Variants in LOC400499 observed in about 807,000 individuals in gnomAD.
At chr16:11,488,174 T>G in the LOC400499 span, among the ~76,000 whole-genome samples, 1 of 152,116 alleles carries the variant, frequency 6.6e-6, no homozygotes. Flanking sequence ...GTACTCCTTT[T>G]TAGGACTACC....
chr16:11,386,316 G>A, the LOC400499 span, among the ~76,000 whole-genome samples: 15 of 152,244 alleles, frequency 9.9e-5, no homozygotes, highest in East Asian at 9.6e-4. Flanking sequence ...GGCACCTGTC[G>A]GCCAGTCCCA....
chr16:11,380,754 C>T, the LOC400499 span: 3 of 152,144 alleles, frequency 2.0e-5, 1 homozygote, highest in East Asian at 3.8e-4. Flanking sequence ...GATACCATTC[C>T]ATTGTGACAC....
At chr16:11,503,155 T>C in the LOC400499 span, among the ~76,000 whole-genome samples, 1 of 152,058 alleles carries the variant, frequency 6.6e-6, no homozygotes, top group South Asian at 2.1e-4. Context: ...GCTCAAGTGA[T>C]CCTCCCACCT....
At chr16:11,450,053 A>C in the LOC400499 span, among the ~76,000 whole-genome samples, 1 of 152,104 alleles carries the variant, frequency 6.6e-6, no homozygotes, top group Non-Finnish European at 1.5e-5. Context: ...ACCTGGTGCC[A>C]CCCAGCCCTG....
the LOC400499 span, among the ~76,000 whole-genome samples, chr16:11,525,940 A>C: frequency 6.6e-6 from 1 of 152,254 alleles, no homozygotes; most frequent in Non-Finnish European, 1.5e-5. Context: ...CACTTCCAGG[A>C]AGAGATCTGA....
At chr16:11,423,472 C>T in the LOC400499 span, among the ~76,000 whole-genome samples, 19 of 152,334 alleles carry the variant, frequency 1.2e-4, 1 homozygote, top group African/African-American at 3.4e-4. Flanking sequence ...AGGGCCTCCA[C>T]GCCAGGCACG....
the LOC400499 span, chr16:11,390,398 G>A: frequency 9.8e-5 from 122 of 1,246,572 alleles, no homozygotes; most frequent in African/African-American, 1.8e-3. Context: ...GCTCGCTCCC[G>A]CCACACCTCC....
chr16:11,466,105 T>C, the LOC400499 span, among the ~76,000 whole-genome samples: 1 of 152,120 alleles, frequency 6.6e-6, no homozygotes, highest in African/African-American at 2.4e-5. Flanking sequence ...ACACAGCAAT[T>C]TGCGCTACAC....
chr16:11,508,490 C>T, the LOC400499 span, among the ~76,000 whole-genome samples: 2 of 152,234 alleles, frequency 1.3e-5, no homozygotes, highest in Admixed American at 6.5e-5. Flanking sequence ...TTCCCCTCTG[C>T]TCACATCCAA....
the LOC400499 span, among the ~76,000 whole-genome samples, chr16:11,506,882 C>T: frequency 5.9e-5 from 9 of 152,208 alleles, no homozygotes; most frequent in African/African-American, 2.2e-4. Context: ...TCCCGGGGGC[C>T]CAGGAGCTGC....
the LOC400499 span, among the ~76,000 whole-genome samples, chr16:11,380,303 A>G: frequency 6.6e-6 from 1 of 151,178 alleles, no homozygotes; most frequent in Non-Finnish European, 1.5e-5. Flanking sequence ...GAACTCTCTC[A>G]GCTTTTGTTT....
the LOC400499 span, among the ~76,000 whole-genome samples, chr16:11,515,752 A>AGGAGGAGGAGGAAAAG: frequency 6.7e-6 from 1 of 148,942 alleles, no homozygotes; most frequent in South Asian, 2.2e-4. Context: ...AGGAAAAGGG[A>AGGAGGAGGAGGAAAAG]GGAGGAGGAG....
At chr16:11,464,072 A>G in the LOC400499 span, among the ~76,000 whole-genome samples, 1 of 152,230 alleles carries the variant, frequency 6.6e-6, no homozygotes, top group African/African-American at 2.4e-5. Context: ...GTGTACAGAT[A>G]TGTGTGTATA....
chr16:11,436,289 T>A, the LOC400499 span, among the ~76,000 whole-genome samples: 1 of 152,002 alleles, frequency 6.6e-6, no homozygotes, highest in Non-Finnish European at 1.5e-5. Context: ...CCCCAGAGAG[T>A]GCCCCACGGG....
the LOC400499 span, among the ~76,000 whole-genome samples, chr16:11,520,188 G>A: frequency 6.6e-6 from 1 of 152,174 alleles, no homozygotes; most frequent in Non-Finnish European, 1.5e-5. Context: ...ACAACGATGT[G>A]AAAGTACTTA....
the LOC400499 span, chr16:11,488,892 G>C: frequency 2.5e-6 from 1 of 398,826 alleles, no homozygotes; most frequent in Non-Finnish European, 4.4e-6. Flanking sequence ...TGGGCAGCAG[G>C]GAGGGGCCGT....
At chr16:11,524,488 T>A in the LOC400499 span, among the ~76,000 whole-genome samples, 2 of 151,592 alleles carry the variant, frequency 1.3e-5, no homozygotes, top group African/African-American at 4.9e-5. Context: ...CATACCCTCA[T>A]CCTGAATGAA....
chr16:11,492,501 T>C, the LOC400499 span, among the ~76,000 whole-genome samples: 1 of 151,906 alleles, frequency 6.6e-6, no homozygotes, highest in Non-Finnish European at 1.5e-5. Context: ...AGTTAGGTGG[T>C]GGCCGGGCGC....
chr16:11,382,866 C>T, the LOC400499 span, among the ~76,000 whole-genome samples: 4 of 152,036 alleles, frequency 2.6e-5, no homozygotes, highest in African/African-American at 7.2e-5. Flanking sequence ...GCTCTGTGGA[C>T]ACTTAGCTTA....
Sources: gnomAD v4.1 joint callset for allele counts (sites outside exome capture counted in the v4.1 genomes callset) on GRCh38, gnomAD v4.1.1 for gene constraint, MANE v1.5 for transcripts.